Variants in PRRX1 observed in about 807,000 individuals in gnomAD.
The protein encoded by PRRX1 is paired related homeobox 1, also known as paired mesoderm homeobox protein 1.
In PRRX1, 8 loss-of-function variants were observed where a neutral mutation model predicts 24.0. The ratio of observed to expected loss-of-function variants is 0.33; its 90% CI spans 0.20 to 0.60. PRRX1 has a LOEUF of 0.60. PRRX1 is among the 20% of genes least tolerant of loss of function. The pLI is 0.82. For synonymous variants in PRRX1, 160 were observed against 131.7 expected, an observed-to-expected ratio of 1.22 and a Z score of -1.47; for missense variants, 281 against 322.4, an observed-to-expected ratio of 0.87 and a Z score of 0.98.
At chr1:170,679,180 C>T (rs1653421156) in intron 1 of PRRX1, among the ~76,000 whole-genome samples, 1 of 152,134 alleles carries the variant, frequency 6.6e-6, no homozygotes, top group Non-Finnish European at 1.5e-5. Flanking sequence ...CAGTTTAAGC[C>T]TCAGAGCACT....
At chr1:170,672,842 G>A (rs903141731) in intron 1 of PRRX1, among the ~76,000 whole-genome samples, 3 of 152,214 alleles carry the variant, frequency 2.0e-5, no homozygotes, top group East Asian at 1.9e-4. Context: ...GGTTTGGGCC[G>A]GGAGGGTGGT....
At chr1:170,689,839 C>CCTCTCTCTCTCTCTCTCT (rs71559512) in intron 1 of PRRX1, among the ~76,000 whole-genome samples, 17 of 91,642 alleles carry the variant, frequency 1.9e-4, no homozygotes, top group South Asian at 6.6e-4. Flanking sequence ...TCTCTCTCTC[C>CCTCTCTCTCTCTCTCTCT]CTCTCTCTCT....
chr1:170,721,999 A>T (rs4656796), intron 2 of PRRX1, among the ~76,000 whole-genome samples: 33,220 of 151,990 alleles, frequency 0.22, 4,568 homozygotes, highest in Middle Eastern at 0.35. Context: ...ATGAAAGACC[A>T]ATTTTGGGGT....
chr1:170,665,085 T>C (rs1652871123), intron 1 of PRRX1, among the ~76,000 whole-genome samples: 1 of 152,182 alleles, frequency 6.6e-6, no homozygotes, highest in East Asian at 1.9e-4. Context: ...GCAAATGGGT[T>C]TGAGACTGGC....
intron 2 of PRRX1, among the ~76,000 whole-genome samples, chr1:170,721,141 A>C (rs1322312477): frequency 6.6e-6 from 1 of 152,092 alleles, no homozygotes; most frequent in African/African-American, 2.4e-5. Flanking sequence ...CCCGCCTCCC[A>C]AAAAAACTGA....
chr1:170,705,211 A>G (rs575956549), intron 1 of PRRX1, among the ~76,000 whole-genome samples: 30 of 152,148 alleles, frequency 2.0e-4, no homozygotes, highest in African/African-American at 7.0e-4. Flanking sequence ...GGTTGTGTCA[A>G]CCAGCATAAT....
At chr1:170,727,397 C>T (rs1452560731) in intron 3 of PRRX1, 1 of 152,128 alleles carries the variant, frequency 6.6e-6, no homozygotes, top group East Asian at 1.9e-4. Context: ...TTCTCCCTGG[C>T]TGATTTCAGT....
chr1:170,672,408 C>G (rs944240349), intron 1 of PRRX1, among the ~76,000 whole-genome samples: 1 of 152,190 alleles, frequency 6.6e-6, no homozygotes, highest in African/African-American at 2.4e-5. Flanking sequence ...AACAGGAGCA[C>G]AAGGCCAGAA....
intron 3 of PRRX1, among the ~76,000 whole-genome samples, chr1:170,731,998 A>G (rs376323677): frequency 6.6e-6 from 1 of 152,208 alleles, no homozygotes; most frequent in Admixed American, 6.5e-5. Flanking sequence ...CCCAGAACTT[A>G]TGTCTGTACC....
At chr1:170,690,450 A>G (rs1183881220) in intron 1 of PRRX1, among the ~76,000 whole-genome samples, 1 of 152,122 alleles carries the variant, frequency 6.6e-6, no homozygotes, top group Non-Finnish European at 1.5e-5. Context: ...GAGAGAAGTT[A>G]TAATAATCAA....
Position 170,738,509 on chromosome 1 carries a change from C to T in PRRX1, c.*2323C>T. 1 of 228,980 alleles carries T rather than the reference C, an allele frequency of 4.4e-6. No homozygotes were observed. Among genetic ancestry groups the T allele is most frequent in the East Asian group, 6.3e-5 (1 of 15,982 alleles). The allele number at this position is 228,980 out of a possible 1,614,324, so 14.2% of individuals were successfully genotyped here. On this transcript the variant is annotated 3_prime_UTR_variant, in exon 4 of 4. Transcript: ENST00000239461. ...TTGCTTCCTGAAGAGTTCCCCCATT[C>T]ATCCATTTGTCCCATTAGTTGCTGT... is the stretch of plus-strand genomic sequence containing the variant.
chr1:170,731,941 T>C (rs1361366147), intron 3 of PRRX1, among the ~76,000 whole-genome samples: 3 of 152,158 alleles, frequency 2.0e-5, no homozygotes, highest in African/African-American at 4.8e-5. Flanking sequence ...AGAACTTAAC[T>C]AAAACTAACT....
chr1:170,728,090 G>A (rs2101923762), intron 3 of PRRX1: 1 of 152,154 alleles, frequency 6.6e-6, no homozygotes, highest in East Asian at 1.9e-4. Context: ...CCCTTTTTCT[G>A]TCTGGGTCCT....
chr1:170,705,934 A>T (rs1654545620), intron 1 of PRRX1, among the ~76,000 whole-genome samples: 1 of 105,246 alleles, frequency 9.5e-6, no homozygotes, highest in Non-Finnish European at 1.9e-5. Flanking sequence ...ACACACACAC[A>T]TACACACACA....
Position 170,733,459 on chromosome 1 carries a change from TAAA to T in PRRX1, c.600-2587_600-2585del, listed in dbSNP as rs1449966962. Among the ~76,000 whole-genome samples the T allele has an allele frequency of 2.6e-5, 4 of 152,230 alleles. No homozygotes were observed. In the East Asian group the frequency reaches 5.8e-4, roughly 22 times the overall value. On this transcript the variant is annotated intron_variant, in intron 3 of 3. Transcript: ENST00000239461. ...CTTTCAGAAAATTAGACCAAGTACTTAAAAGCACAATATTCTATGACAATCTAC... is the reference window on the plus strand; with the variant it reads ...CTTTCAGAAAATTAGACCAAGTACTTAGCACAATATTCTATGACAATCTAC...
chr1:170,730,349 G>T, intron 3 of PRRX1: 1 of 1,605,990 alleles, frequency 6.2e-7, no homozygotes. Flanking sequence ...CACTGAAAAG[G>T]TAACTTGTCA....
intron 1 of PRRX1, among the ~76,000 whole-genome samples, chr1:170,702,252 G>A (rs1179038660): frequency 1.3e-5 from 2 of 152,156 alleles, no homozygotes; most frequent in Non-Finnish European, 2.9e-5. Flanking sequence ...ATCAGGCCAC[G>A]GACTGTTACC....
chr1:170,700,370 A>T (rs1213014102), intron 1 of PRRX1, among the ~76,000 whole-genome samples: 1 of 152,070 alleles, frequency 6.6e-6, no homozygotes, highest in Non-Finnish European at 1.5e-5. Context: ...TATTCAGACC[A>T]TTTGGAAAGT....
intron 3 of PRRX1, among the ~76,000 whole-genome samples, chr1:170,733,756 T>G (rs1316234223): frequency 6.6e-6 from 1 of 152,152 alleles, no homozygotes; most frequent in Non-Finnish European, 1.5e-5. Context: ...ATAGTCTTTT[T>G]TTCTCAGATA....
Sources: allele counts gnomAD v4.1 joint callset (sites outside exome capture counted in the v4.1 genomes callset), GRCh38; gene constraint gnomAD v4.1.1; transcripts MANE v1.5; gene names NCBI Gene and HGNC (gene_info 2026-07-23, HGNC 2026-07-21).